The following MBNL3 variants were observed in gnomAD, a reference collection of about 807,000 sequenced individuals.
MBNL3 encodes muscleblind like splicing regulator 3.
In MBNL3, 6 loss-of-function variants were observed where a neutral mutation model predicts 24.5. The observed-to-expected ratio is 0.25, with a 90% CI of 0.13 to 0.48. The LOEUF is 0.48. Ranked by LOEUF, MBNL3 falls within the 20% of genes least tolerant of loss-of-function variation. MBNL3 has a pLI of 0.99. For synonymous variants in MBNL3, 100 were observed against 101.7 expected (o/e 0.98, Z 0.10); for missense variants, 230 against 293.5 (o/e 0.78, Z 1.58).
chrX:132,409,927 A>G (rs761949962), intron 2 of MBNL3, among the ~76,000 whole-genome samples: 3 of 111,849 alleles, frequency 2.7e-5, no homozygotes, highest in Non-Finnish European at 5.6e-5. Flanking sequence ...AGAAAATAGC[A>G]AAGTGATTCA....
intron 1 of MBNL3, among the ~76,000 whole-genome samples, chrX:132,478,022 T>C (rs1006114159): frequency 1.8e-5 from 2 of 112,069 alleles, no homozygotes; most frequent in Non-Finnish European, 3.8e-5. Context: ...ACACATTCTC[T>C]TGCTATGACC....
chrX:132,426,246 A>G (rs1421696663), intron 2 of MBNL3, among the ~76,000 whole-genome samples: 2 of 112,169 alleles, frequency 1.8e-5, no homozygotes, highest in African/African-American at 6.5e-5. Context: ...AACAAAAAGT[A>G]TGGCAGACTT....
At chrX:132,457,059 A>C (rs1946407525) in intron 1 of MBNL3, among the ~76,000 whole-genome samples, 1 of 111,845 alleles carries the variant, frequency 8.9e-6, no homozygotes, top group Non-Finnish European at 1.9e-5. Context: ...CTCTGAACCA[A>C]GATTTGGAAA....
At chrX:132,402,785 T>G (rs1244973941) in intron 3 of MBNL3, among the ~76,000 whole-genome samples, 1 of 112,089 alleles carries the variant, frequency 8.9e-6, no homozygotes, top group East Asian at 2.8e-4. Context: ...TATTCATTGT[T>G]CAGTCACACT....
In MBNL3 at chrX:132,379,617, C is replaced by T; in HGVS notation, c.*49G>A. On this transcript the variant is annotated 3_prime_UTR_variant, in exon 9 of 9. Coordinates refer to ENST00000370853, the MANE Select transcript of MBNL3 (RefSeq NM_001386889.1). ...CATACGAGAATATATATAGAAAGGC[C>T]ATATGGAGGTTTCCATGGAAAGATT... 8.6e-7 allele frequency: 1 copy of T among 1,161,102 alleles called. No individual in the cohort carries two copies. Among genetic ancestry groups the T allele is most frequent in the Non-Finnish European group, 1.2e-6 (1 of 856,608 alleles).
chrX:132,480,944 C>G (rs751532308), intron 1 of MBNL3, among the ~76,000 whole-genome samples: 2 of 111,780 alleles, frequency 1.8e-5, no homozygotes, highest in South Asian at 7.5e-4. Context: ...TAAACTCAAA[C>G]CACATGATAC....
chrX:132,404,018 C>T (rs1179971825), intron 3 of MBNL3, among the ~76,000 whole-genome samples: 1 of 103,165 alleles, frequency 9.7e-6, no homozygotes, highest in Non-Finnish European at 2.0e-5. Flanking sequence ...CCACCCACAT[C>T]CCCTGGCAAC....
In MBNL3 at chrX:132,466,592, T is replaced by A. The variant is rs748975826; in HGVS notation, c.-704+22259A>T. Among the ~76,000 whole-genome samples, 4 of 112,043 alleles carry A rather than the reference T, an allele frequency of 3.6e-5. No homozygotes were observed. In the South Asian group the frequency reaches 1.5e-3, roughly 42 times the overall value. On this transcript the variant is annotated intron_variant, in intron 1 of 8. Coordinates refer to ENST00000370853, the MANE Select transcript of MBNL3 (RefSeq NM_001386889.1). ...GATCTTAGAGAGGGCCTTGGGAGGT[T>A]CCCTATGAGTATGTTTTAAATGCTT...
At chrX:132,482,536 C>T (rs917982595) in intron 1 of MBNL3, among the ~76,000 whole-genome samples, 1 of 111,142 alleles carries the variant, frequency 9.0e-6, no homozygotes, top group African/African-American at 3.3e-5. Context: ...GAGCCCTTCA[C>T]TGCTCATACT....
At chrX:132,399,793 C>T (rs1940535821) in intron 3 of MBNL3, among the ~76,000 whole-genome samples, 2 of 103,741 alleles carry the variant, frequency 1.9e-5, no homozygotes, top group African/African-American at 7.0e-5. Context: ...TGAGCCATAC[C>T]AACCTGCAGG....
Position 132,423,173 on chromosome X carries a change from C to T in MBNL3, c.177+16262G>A, listed in dbSNP as rs1331314843. 3.6e-5 allele frequency among the ~76,000 whole-genome samples: 4 copies of T among 111,619 alleles called. No homozygotes were observed. In the East Asian group the frequency reaches 8.4e-4, roughly 23 times the overall value. On this transcript the variant is annotated intron_variant, in intron 2 of 8. Coordinates refer to ENST00000370853, the MANE Select transcript of MBNL3 (RefSeq NM_001386889.1). ...ATTGGCCTTCTCAAAATCTATTCTA[C>T]TACTCCTAGGAAACACATTCATTTT...
intron 3 of MBNL3, among the ~76,000 whole-genome samples, chrX:132,398,759 G>A (rs752363610): frequency 8.1e-5 from 9 of 111,042 alleles, no homozygotes; most frequent in Non-Finnish European, 1.5e-4. Flanking sequence ...TAAATAGGTA[G>A]GCTAAGAGTT....
rs1342506431 is a variant in MBNL3, at chrX:132,398,984, G to A, written c.343-6650C>T. Among the ~76,000 whole-genome samples, 12 of 111,374 alleles carry A rather than the reference G, an allele frequency of 1.1e-4. No individual in the cohort carries two copies. The East Asian group carries it at 2.5e-3, about 24-fold the overall frequency. On this transcript the variant is annotated intron_variant, in intron 3 of 8. Transcript: ENST00000370853. ...CAACATCTTACTTTTGTTACATAAC[G>A]AATTCCTAGAGGGTAGAGTTTGTTT... is the stretch of plus-strand genomic sequence containing the variant.
intron 1 of MBNL3, among the ~76,000 whole-genome samples, chrX:132,451,488 C>G (rs1946107462): frequency 9.0e-6 from 1 of 111,654 alleles, no homozygotes; most frequent in African/African-American, 3.3e-5. Flanking sequence ...ACTGCCTACT[C>G]AAGCCTCAGT....
At chrX:132,418,412 C>T (rs771667467) in intron 2 of MBNL3, among the ~76,000 whole-genome samples, 5 of 111,721 alleles carry the variant, frequency 4.5e-5, no homozygotes, top group Admixed American at 9.5e-5. Context: ...GAAGTGAAGA[C>T]GCATGCCCAA....
chrX:132,423,522 G>A (rs547533508), intron 2 of MBNL3, among the ~76,000 whole-genome samples: 33 of 111,305 alleles, frequency 3.0e-4, no homozygotes, highest in African/African-American at 1.0e-3. Context: ...ATTTAATGCT[G>A]ACCACAGCAT....
intron 1 of MBNL3, among the ~76,000 whole-genome samples, chrX:132,482,905 A>C: frequency 9.0e-6 from 1 of 111,711 alleles, no homozygotes; most frequent in East Asian, 2.8e-4. Flanking sequence ...GCATTCATGA[A>C]ACATATCAGA....
At position 132,371,015 on chromosome X, in the gene MBNL3, G is replaced by C. The variant is rs1405007059; in HGVS notation, c.*8651C>G. 2 of 111,462 alleles carry C rather than the reference G, an allele frequency of 1.8e-5. No homozygotes were observed. The highest frequency in any genetic ancestry group is 3.3e-5 in the African/African-American group (1 of 30,633). The allele number at this position is 111,462 out of a possible 1,213,427, so 9.2% of individuals were successfully genotyped here. A position where few individuals can be genotyped will look rare whatever the true frequency, so the allele number is the denominator to read the frequency against. On this transcript the variant is annotated 3_prime_UTR_variant, in exon 9 of 9. Coordinates refer to ENST00000370853, the MANE Select transcript of MBNL3 (RefSeq NM_001386889.1). ...AAAGACATTAACTGAATTCTGAAGA[G>C]GCCTAAGACCTCTTGTAAATGTCTA...
intron 2 of MBNL3, among the ~76,000 whole-genome samples, chrX:132,427,829 G>A (rs779508791): frequency 6.3e-5 from 7 of 111,752 alleles, no homozygotes; most frequent in Admixed American, 5.7e-4. Context: ...AACAAATCAT[G>A]GCTGATACAT....
Sources: allele counts gnomAD v4.1 joint callset (sites outside exome capture counted in the v4.1 genomes callset), GRCh38; gene constraint gnomAD v4.1.1; transcripts MANE v1.5; gene names NCBI Gene and HGNC (gene_info 2026-07-23, HGNC 2026-07-21).